Variants in ZDHHC11B observed in about 807,000 individuals in gnomAD.
ZDHHC11B encodes probable palmitoyltransferase ZDHHC11B.
ZDHHC11B carries 17 observed loss-of-function variants against 42.3 expected under a neutral mutation model. The ratio of observed to expected loss-of-function variants is 0.40; its 90% CI spans 0.27 to 0.60. The LOEUF is 0.60. Ranked by LOEUF, ZDHHC11B falls within the 20% of genes least tolerant of loss-of-function variation. ZDHHC11B has a pLI of 0.41. For synonymous variants in ZDHHC11B, 123 were observed against 193.5 expected, an observed-to-expected ratio of 0.64 and a Z score of 3.02; for missense variants, 262 against 463.2, an observed-to-expected ratio of 0.57 and a Z score of 3.99.
At chr5:719,506 TG>T (rs1309939823) in intron 12 of ZDHHC11B, among the ~76,000 whole-genome samples, 1 of 151,112 alleles carries the variant, frequency 6.6e-6, no homozygotes, top group Non-Finnish European at 1.5e-5. Flanking sequence ...AAAAAGAAAC[TG>T]GAGCTGGAAA....
chr5:720,824 G>A (rs1484762512), intron 12 of ZDHHC11B, among the ~76,000 whole-genome samples: 1 of 151,652 alleles, frequency 6.6e-6, no homozygotes, highest in African/African-American at 2.4e-5. Flanking sequence ...TTGAAACTAA[G>A]TTGGGGCTGA....
chr5:770,542 C>G (rs1392281390), intron 1 of ZDHHC11B, among the ~76,000 whole-genome samples: 1 of 151,232 alleles, frequency 6.6e-6, no homozygotes, highest in East Asian at 2.0e-4. Context: ...CTCTGCAGCT[C>G]TGGAGGACAC....
chr5:771,036 C>A lies in ZDHHC11B; in HGVS notation c.-229-2106G>T, dbSNP rs567192936. Among the ~76,000 whole-genome samples, 1,209 of 151,668 alleles carry A rather than the reference C, an allele frequency of 8.0e-3. 24 individuals carry two copies. The highest frequency in any genetic ancestry group is 0.027 in the African/African-American group (1,118 of 41,164). On this transcript the variant is annotated intron_variant, in intron 1 of 13. Transcript: ENST00000508859. Reference sequence around the variant, plus strand: ...TGCTGGACTCAGGGCATGAAAGCTGCTTCCCAAAGGGGCCTGGACACCAGG... The same window carrying A: ...TGCTGGACTCAGGGCATGAAAGCTGATTCCCAAAGGGGCCTGGACACCAGG...
intron 1 of ZDHHC11B, among the ~76,000 whole-genome samples, chr5:777,480 G>C (rs942470850): frequency 3.3e-5 from 5 of 151,974 alleles, no homozygotes; most frequent in African/African-American, 1.2e-4. Flanking sequence ...CACCCAGACT[G>C]AGCGGCAAGA....
At chr5:776,006 T>G (rs1371009976) in intron 1 of ZDHHC11B, among the ~76,000 whole-genome samples, 3 of 148,506 alleles carry the variant, frequency 2.0e-5, no homozygotes, top group Non-Finnish European at 4.5e-5. Flanking sequence ...CAGATTCCCA[T>G]GCAGATACCC....
At chr5:728,625 A>T in intron 12 of ZDHHC11B, among the ~76,000 whole-genome samples, 1 of 152,022 alleles carries the variant, frequency 6.6e-6, no homozygotes, top group Non-Finnish European at 1.5e-5. Flanking sequence ...GGAGGTGCAG[A>T]ATATTTTTAA....
chr5:725,144 C>G (rs538985349), intron 12 of ZDHHC11B, among the ~76,000 whole-genome samples: 1 of 151,378 alleles, frequency 6.6e-6, no homozygotes, highest in Non-Finnish European at 1.5e-5. Flanking sequence ...CTTCAGAACA[C>G]GCATGTGAGT....
intron 1 of ZDHHC11B, among the ~76,000 whole-genome samples, chr5:777,486 C>T (rs1736613485): frequency 1.3e-5 from 2 of 151,788 alleles, no homozygotes; most frequent in Non-Finnish European, 2.9e-5. Context: ...GACTGAGCGG[C>T]AAGATTTATT....
chr5:724,386 T>TA, intron 12 of ZDHHC11B, among the ~76,000 whole-genome samples: 1 of 142,356 alleles, frequency 7.0e-6, no homozygotes, highest in East Asian at 2.1e-4. Context: ...TTTTTTTTTT[T>TA]TTTTTTTTTG....
At chr5:736,396 G>A (rs1224290106) in intron 10 of ZDHHC11B, among the ~76,000 whole-genome samples, 1 of 149,658 alleles carries the variant, frequency 6.7e-6, no homozygotes, top group East Asian at 2.0e-4. Context: ...TGCACTGATA[G>A]CACTAGACAG....
At chr5:721,683 T>A (rs1742198686) in intron 12 of ZDHHC11B, among the ~76,000 whole-genome samples, 1 of 151,534 alleles carries the variant, frequency 6.6e-6, no homozygotes, top group African/African-American at 2.4e-5. Context: ...ATAAGAAGGG[T>A]CTGACGTCAG....
At chr5:742,193 A>G (rs1289834563) in intron 9 of ZDHHC11B, among the ~76,000 whole-genome samples, 1 of 136,760 alleles carries the variant, frequency 7.3e-6, no homozygotes, top group East Asian at 2.5e-4. Flanking sequence ...AGAGATGTTC[A>G]GGCTGGTCTT....
At chr5:713,204 TTCAG>T (rs1238836085) in intron 13 of ZDHHC11B, among the ~76,000 whole-genome samples, 30 of 152,070 alleles carry the variant, frequency 2.0e-4, no homozygotes, top group African/African-American at 6.3e-4. Flanking sequence ...TTGTATCTAT[TTCAG>T]TAAGTTCTTC....
rs1346868741 is a variant in ZDHHC11B, at chr5:712,091, A to G, written c.*199T>C. ...GGGTGTGATGAAGATGATGACAGAGATGGATGCTGGGCTCTGAGGGTCCTG... is the reference window on the plus strand; with the variant it reads ...GGGTGTGATGAAGATGATGACAGAGGTGGATGCTGGGCTCTGAGGGTCCTG... On this transcript the variant is annotated 3_prime_UTR_variant, in exon 14 of 14. Transcript: ENST00000508859. 1 of 115,706 alleles carries G rather than the reference A, an allele frequency of 8.6e-6. No individual in the cohort carries two copies. The allele number at this position is 115,706 out of a possible 1,614,324, so 7.2% of individuals were successfully genotyped here. A position where few individuals can be genotyped will look rare whatever the true frequency, so the allele number is the denominator to read the frequency against.
At chr5:733,344 G>C (rs1743191791) in intron 11 of ZDHHC11B, among the ~76,000 whole-genome samples, 1 of 151,812 alleles carries the variant, frequency 6.6e-6, no homozygotes, top group Non-Finnish European at 1.5e-5. Context: ...CCCACACACA[G>C]TCCTTCCTGA....
At chr5:736,375 G>A (rs1364872308) in intron 10 of ZDHHC11B, among the ~76,000 whole-genome samples, 48 of 149,760 alleles carry the variant, frequency 3.2e-4, no homozygotes, top group Admixed American at 2.6e-3. Context: ...TTATAGTGAC[G>A]GACACAATAC....
rs116837503 is a variant in ZDHHC11B, at chr5:715,670, C to T, written c.*7+1131G>A. ...AAGACCCCGTGCTATGCATCTCAAA[C>T]GCCTTTTTTCTAGAGAACAATTTTC... On this transcript the variant is annotated intron_variant, in intron 13 of 13. Transcript: ENST00000508859. Among the ~76,000 whole-genome samples, 80 of 151,814 alleles carry T rather than the reference C, an allele frequency of 5.3e-4. 2 individuals carry two copies. The highest frequency in any genetic ancestry group is 1.6e-3 in the African/African-American group (67 of 41,248).
intron 4 of ZDHHC11B, among the ~76,000 whole-genome samples, chr5:761,616 G>A (rs1366320186): frequency 6.6e-6 from 1 of 151,842 alleles, no homozygotes; most frequent in Non-Finnish European, 1.5e-5. Flanking sequence ...GTGCCGGGTG[G>A]ACACGTGGGT....
intron 12 of ZDHHC11B, among the ~76,000 whole-genome samples, chr5:725,795 T>G (rs1398878222): frequency 6.6e-6 from 1 of 152,150 alleles, no homozygotes; most frequent in Non-Finnish European, 1.5e-5. Context: ...TTTCTGCTTG[T>G]CAGCAGATCC....
Sources: gnomAD v4.1 joint callset for allele counts (sites outside exome capture counted in the v4.1 genomes callset) on GRCh38, gnomAD v4.1.1 for gene constraint, MANE v1.5 for transcripts, NCBI Gene and HGNC (gene_info 2026-07-23, HGNC 2026-07-21) for gene names.